Variants in RORA observed in about 807,000 individuals in gnomAD.
RORA encodes the protein RAR related orphan receptor A, also known as nuclear receptor ROR-alpha.
Under a neutral mutation model 69.5 loss-of-function variants are expected in RORA, and 7 were observed. The observed-to-expected ratio is 0.10, with a 90% CI of 0.06 to 0.19. The LOEUF (loss-of-function observed/expected upper bound fraction) is 0.19. Among genes scored for constraint, RORA ranks in the 10% least tolerant of loss-of-function variants. The probability of loss-of-function intolerance (pLI) is 1.00; values close to 1 mark genes in which losing one functional copy is unlikely to be tolerated. For missense variants in RORA, 457 were observed against 663.0 expected, an observed-to-expected ratio of 0.69 and a Z score of 3.41; for synonymous variants, 261 against 240.8, an observed-to-expected ratio of 1.08 and a Z score of -0.78.
intron 1 of RORA, among the ~76,000 whole-genome samples, chr15:61,087,266 T>C (rs1341854742): frequency 6.6e-6 from 1 of 152,218 alleles, no homozygotes; most frequent in African/African-American, 2.4e-5. Flanking sequence ...AAGGAAATAA[T>C]GACAACACTT....
At chr15:60,780,451 T>C (rs1261606112) in intron 1 of RORA, among the ~76,000 whole-genome samples, 2 of 152,160 alleles carry the variant, frequency 1.3e-5, no homozygotes, top group Non-Finnish European at 2.9e-5. Flanking sequence ...GAAGTTCCTT[T>C]AAAAAGAATC....
intron 1 of RORA, among the ~76,000 whole-genome samples, chr15:60,863,807 CTTT>C (rs71122881): frequency 0.88 from 118,961 of 135,122 alleles, 52,949 homozygotes; most frequent in East Asian, 0.98. Context: ...CTGTCAGAAT[CTTT>C]TTTTTTTTTT....
At chr15:61,044,326 G>A (rs1440646549) in intron 1 of RORA, among the ~76,000 whole-genome samples, 1 of 152,096 alleles carries the variant, frequency 6.6e-6, no homozygotes, top group Non-Finnish European at 1.5e-5. Context: ...TCCTCTCAGA[G>A]ACACCTTGAT....
intron 2 of RORA, among the ~76,000 whole-genome samples, chr15:60,651,602 C>T (rs2070143348): frequency 6.6e-6 from 1 of 152,118 alleles, no homozygotes. Flanking sequence ...AAGCTACATC[C>T]CTTTACCCAA....
At chr15:61,175,624 G>A (rs1250431593) in intron 1 of RORA, among the ~76,000 whole-genome samples, 1 of 151,730 alleles carries the variant, frequency 6.6e-6, no homozygotes, top group Non-Finnish European at 1.5e-5. Flanking sequence ...GTGGGGGCGT[G>A]GGGGATTGCT....
At chr15:60,662,996 A>G (rs183253541) in intron 2 of RORA, among the ~76,000 whole-genome samples, 7 of 152,290 alleles carry the variant, frequency 4.6e-5, no homozygotes, top group African/African-American at 7.2e-5. Flanking sequence ...CTGGCACCCA[A>G]TGGCTGCCTG....
chr15:60,946,997 G>A (rs1239548733), intron 1 of RORA, among the ~76,000 whole-genome samples: 6 of 151,320 alleles, frequency 4.0e-5, no homozygotes, highest in African/African-American at 9.7e-5. Context: ...TCCGGCAGCC[G>A]CCCCTTCCGG....
intron 1 of RORA, among the ~76,000 whole-genome samples, chr15:60,934,452 G>A (rs914763372): frequency 6.7e-6 from 1 of 150,106 alleles, no homozygotes; most frequent in Non-Finnish European, 1.5e-5. Context: ...GTAGCTCTGG[G>A]ATAAGGCCCA....
intron 1 of RORA, among the ~76,000 whole-genome samples, chr15:61,215,031 ATTTTT>A (rs61132940): frequency 1.2e-5 from 1 of 80,626 alleles, no homozygotes; most frequent in Admixed American, 1.6e-4. Context: ...CGCCCAGCTA[ATTTTT>A]TTTTTTTTTT....
intron 1 of RORA, among the ~76,000 whole-genome samples, chr15:60,892,171 T>C (rs914924991): frequency 6.6e-6 from 1 of 152,132 alleles, no homozygotes; most frequent in Non-Finnish European, 1.5e-5. Context: ...AACATCTTCA[T>C]TAGGCAGATG....
chr15:60,738,917 C>T (rs1567174383), intron 1 of RORA, among the ~76,000 whole-genome samples: 1 of 152,226 alleles, frequency 6.6e-6, no homozygotes, highest in South Asian at 2.1e-4. Context: ...CTGATCTTCA[C>T]AAAGCATTCT....
chr15:61,181,014 G>A (rs542343598), intron 1 of RORA, among the ~76,000 whole-genome samples: 69 of 149,666 alleles, frequency 4.6e-4, no homozygotes, highest in African/African-American at 1.6e-3. Context: ...TGAGGTAGGA[G>A]AATCGTTTGA....
chr15:60,992,626 G>A (rs1477433064), intron 1 of RORA, among the ~76,000 whole-genome samples: 1 of 152,208 alleles, frequency 6.6e-6, no homozygotes, highest in African/African-American at 2.4e-5. Context: ...TTACCTCCAC[G>A]ATCATCTACT....
chr15:61,164,359 T>C (rs1039459226), intron 1 of RORA, among the ~76,000 whole-genome samples: 1 of 152,124 alleles, frequency 6.6e-6, no homozygotes, highest in Non-Finnish European at 1.5e-5. Context: ...ATTAGAAAGA[T>C]TGGGAGTGAA....
At chr15:61,177,042 T>C (rs1175415288) in intron 1 of RORA, among the ~76,000 whole-genome samples, 3 of 152,240 alleles carry the variant, frequency 2.0e-5, no homozygotes, top group East Asian at 3.9e-4. Context: ...TAAATGGATA[T>C]CGATGATTGA....
intron 1 of RORA, among the ~76,000 whole-genome samples, chr15:61,021,218 T>A (rs1055358524): frequency 2.6e-5 from 4 of 152,188 alleles, no homozygotes; most frequent in African/African-American, 9.7e-5. Flanking sequence ...ATGGGTCACA[T>A]GGCTACAGGG....
intron 1 of RORA, among the ~76,000 whole-genome samples, chr15:60,934,491 GTTGTTGT>G (rs1445610722): frequency 6.6e-6 from 1 of 151,556 alleles, no homozygotes; most frequent in Non-Finnish European, 1.5e-5. Flanking sequence ...TGTTGTTGTT[GTTGTTGT>G]TTGTTTGTTT....
intron 1 of RORA, among the ~76,000 whole-genome samples, chr15:60,868,872 A>G (rs867844499): frequency 6.6e-6 from 1 of 152,200 alleles, no homozygotes; most frequent in African/African-American, 2.4e-5. Flanking sequence ...CTTCCTGTCT[A>G]TCTGTACATA....
At chr15:60,612,284 C>G (rs1429535345) in intron 2 of RORA, among the ~76,000 whole-genome samples, 1 of 147,310 alleles carries the variant, frequency 6.8e-6, no homozygotes, top group Non-Finnish European at 1.5e-5. Flanking sequence ...TGTCCAATGC[C>G]CAGTCATCTT....
Sources: gnomAD v4.1 joint callset for allele counts (sites outside exome capture counted in the v4.1 genomes callset) on GRCh38, gnomAD v4.1.1 for gene constraint, MANE v1.5 for transcripts, NCBI Gene and HGNC (gene_info 2026-07-23, HGNC 2026-07-21) for gene names.